Variants in ROBO1 observed in about 807,000 individuals in gnomAD.
ROBO1 encodes the protein roundabout guidance receptor 1.
Under a neutral mutation model 195.9 loss-of-function variants are expected in ROBO1, and 149 were observed. That is an observed-to-expected ratio of 0.76 (90% CI 0.67 to 0.87). The LOEUF is 0.87. ROBO1 is among the 40% of genes least tolerant of loss of function. The pLI is 0.00. For synonymous variants in ROBO1, 816 were observed against 733.2 expected, an observed-to-expected ratio of 1.11 and a Z score of -1.82; for missense variants, 1,933 against 2,068.3, an observed-to-expected ratio of 0.93 and a Z score of 1.27.
chr3:78,714,664 A>T, intron 7 of ROBO1, 140 bp from the exon 8 acceptor site: 1 of 673,952 alleles, frequency 1.5e-6, no homozygotes, highest in Non-Finnish European at 2.2e-6. Context: ...GTATTCCTCT[A>T]AGTCAGCTGG....
At chr3:79,713,343 T>C (rs1702348380) in intron 1 of ROBO1, among the ~76,000 whole-genome samples, 1 of 152,092 alleles carries the variant, frequency 6.6e-6, no homozygotes, top group Non-Finnish European at 1.5e-5. Context: ...CTCTGATGGA[T>C]GTGGGCAAGG....
chr3:78,938,957 A>T (rs749994870), intron 3 of ROBO1, 30 bp from the exon 4 acceptor site: 2 of 1,551,290 alleles, frequency 1.3e-6, no homozygotes, highest in African/African-American at 1.4e-5. Flanking sequence ...ATATCTTCGT[A>T]TATCACTTGA....
chr3:78,638,459 AT>A (rs1333126968), intron 22 of ROBO1, among the ~76,000 whole-genome samples: 3 of 151,846 alleles, frequency 2.0e-5, no homozygotes, highest in Middle Eastern at 6.8e-3. Context: ...GATTATTATT[AT>A]TTTTGCTATT....
chr3:79,137,739 C>A (rs1336082548), intron 2 of ROBO1, among the ~76,000 whole-genome samples: 1 of 151,956 alleles, frequency 6.6e-6, no homozygotes. Context: ...AAATTTGATT[C>A]CAAATTATTT....
chr3:78,625,601 C>T (rs541755516), intron 26 of ROBO1, among the ~76,000 whole-genome samples: 27 of 152,194 alleles, frequency 1.8e-4, no homozygotes, highest in African/African-American at 6.5e-4. Flanking sequence ...GGGATGATGG[C>T]GTAAAGGCGA....
chr3:79,524,804 T>G (rs1338557898), intron 2 of ROBO1, among the ~76,000 whole-genome samples: 7 of 152,146 alleles, frequency 4.6e-5, no homozygotes, highest in African/African-American at 1.7e-4. Context: ...TTTCTAATTT[T>G]AATTGAATTG....
intron 4 of ROBO1, among the ~76,000 whole-genome samples, chr3:78,849,447 A>C (rs2033890322): frequency 6.6e-6 from 1 of 152,130 alleles, no homozygotes; most frequent in East Asian, 1.9e-4. Flanking sequence ...CAGCACTTTC[A>C]CATGTCTGGC....
chr3:78,830,049 C>T (rs1267959492), intron 4 of ROBO1, among the ~76,000 whole-genome samples: 1 of 151,986 alleles, frequency 6.6e-6, no homozygotes. Context: ...GACACAAATC[C>T]AAGTGTGGAT....
At chr3:79,764,636 C>G (rs1164965480) in intron 1 of ROBO1, among the ~76,000 whole-genome samples, 1 of 152,150 alleles carries the variant, frequency 6.6e-6, no homozygotes, top group Non-Finnish European at 1.5e-5. Flanking sequence ...TTAAATCTTG[C>G]TTAAATAAAA....
chr3:78,626,887 T>G (rs1704827137), intron 26 of ROBO1, among the ~76,000 whole-genome samples: 1 of 152,134 alleles, frequency 6.6e-6, no homozygotes, highest in Non-Finnish European at 1.5e-5. Flanking sequence ...TGTGACATTA[T>G]AGTTATGAGG....
intron 28 of ROBO1, 118 bp downstream of exon 28, chr3:78,614,525 AAGCTG>A: frequency 9.2e-7 from 1 of 1,083,252 alleles, no homozygotes. Flanking sequence ...AAGTAATATG[AAGCTG>A]ATTGTTAATA....
chr3:78,715,886 G>C (rs577675663), intron 7 of ROBO1, among the ~76,000 whole-genome samples: 1 of 152,028 alleles, frequency 6.6e-6, no homozygotes, highest in Non-Finnish European at 1.5e-5. Context: ...AACACTCTTG[G>C]CTCACCAATG....
intron 1 of ROBO1, among the ~76,000 whole-genome samples, chr3:79,704,852 A>G (rs1162464521): frequency 2.6e-5 from 4 of 151,982 alleles, no homozygotes; most frequent in Non-Finnish European, 5.9e-5. Context: ...AGCATTTTGT[A>G]TTGCCAGTGT....
At chr3:78,922,864 C>T (rs942709296) in intron 4 of ROBO1, among the ~76,000 whole-genome samples, 1 of 152,102 alleles carries the variant, frequency 6.6e-6, no homozygotes, top group Non-Finnish European at 1.5e-5. Flanking sequence ...TCCCAAAGTG[C>T]TGGCATTACA....
At chr3:78,662,429 T>C (rs561001735) in intron 14 of ROBO1, among the ~76,000 whole-genome samples, 28 of 152,238 alleles carry the variant, frequency 1.8e-4, no homozygotes, top group African/African-American at 6.7e-4. Context: ...ATCACTTTCC[T>C]GATGAAAATG....
chr3:79,155,233 T>C (rs1028739443), intron 2 of ROBO1, among the ~76,000 whole-genome samples: 1 of 151,732 alleles, frequency 6.6e-6, no homozygotes, highest in African/African-American at 2.4e-5. Flanking sequence ...CTAAGTCATA[T>C]TCTACAAAAA....
chr3:78,668,667 G>A, intron 11 of ROBO1, 102 bp from the exon 12 acceptor site: 2 of 940,202 alleles, frequency 2.1e-6, no homozygotes, highest in Non-Finnish European at 3.2e-6. Flanking sequence ...ATGGATAACT[G>A]CATTAAAATT....
intron 2 of ROBO1, among the ~76,000 whole-genome samples, chr3:79,392,376 GTTA>G (rs1370690568): frequency 1.3e-5 from 2 of 152,156 alleles, no homozygotes; most frequent in African/African-American, 4.8e-5. Context: ...TGAAGAGAAT[GTTA>G]TATGGCAAGT....
intron 2 of ROBO1, among the ~76,000 whole-genome samples, chr3:79,407,181 G>C (rs2037581657): frequency 6.6e-6 from 1 of 152,004 alleles, no homozygotes; most frequent in Non-Finnish European, 1.5e-5. Context: ...ACCCACCTTG[G>C]CCTCCCAAAG....
Sources: gnomAD v4.1 joint callset for allele counts (sites outside exome capture counted in the v4.1 genomes callset) on GRCh38, gnomAD v4.1.1 for gene constraint, MANE v1.5 for transcripts, NCBI Gene and HGNC (gene_info 2026-07-23, HGNC 2026-07-21) for gene names.